The following ALMS1 variants were observed in gnomAD, a reference collection of about 807,000 sequenced individuals.
The protein encoded by ALMS1 is centrosome-associated protein ALMS1.
A neutral mutation model predicts 352.2 loss-of-function variants in ALMS1; 271 were observed. The observed-to-expected ratio is 0.77, with a 90% CI of 0.70 to 0.85. The LOEUF is 0.85. Among genes scored for constraint, ALMS1 ranks in the 40% least tolerant of loss-of-function variants. ALMS1 has a pLI of 0.00. For synonymous variants in ALMS1, 1,865 were observed against 1,761.2 expected (o/e 1.06, Z -1.48); for missense variants, 5,445 against 4,870.7 (o/e 1.12, Z -3.51).
chr2:73,471,270 G>T (rs780658246), intron 9 of ALMS1, among the ~76,000 whole-genome samples: 2 of 143,314 alleles, frequency 1.4e-5, no homozygotes, highest in South Asian at 2.2e-4. Flanking sequence ...TTTTCTTTGT[G>T]GTTACCAAAG....
intron 9 of ALMS1, among the ~76,000 whole-genome samples, chr2:73,478,266 A>G (rs1012377953): frequency 6.6e-6 from 1 of 152,164 alleles, no homozygotes; most frequent in African/African-American, 2.4e-5. Context: ...ATTACTTGGA[A>G]ATGGTTATGT....
Position 73,448,238 on chromosome 2 carries a change from C to G in ALMS1, c.1711C>G (p.Leu571Val). The G allele has an allele frequency of 1.2e-6, 2 of 1,614,052 alleles. No homozygotes were observed. The highest frequency in any genetic ancestry group is 1.7e-6 in the Non-Finnish European group (2 of 1,179,944). ...ADQKTATPTV[L>V]SSSHSHRGKP... is the part of the protein sequence containing the mutation. Reference sequence around the variant, plus strand: ...CCAGAAGACTGCAACACCAACAGTACTCTCTAGTTCCCACTCACATAGGGG... The same window carrying G: ...CCAGAAGACTGCAACACCAACAGTAGTCTCTAGTTCCCACTCACATAGGGG... The change falls in exon 8 of 23, where the codon CTC becomes GTC. Residue 571 changes from leucine (L) to valine (V), a missense_variant. Leu to Val is a conservative substitution (Grantham distance 32). Coordinates refer to ENST00000613296, the MANE Select transcript of ALMS1 (RefSeq NM_001378454.1).
chr2:73,486,514 G>T (rs1672851007), intron 9 of ALMS1, among the ~76,000 whole-genome samples: 1 of 152,198 alleles, frequency 6.6e-6, no homozygotes, highest in Non-Finnish European at 1.5e-5. Context: ...TAGCTAGTGA[G>T]AAAAGCTCTT....
At chr2:73,427,155 A>G (rs147544631) in intron 6 of ALMS1, among the ~76,000 whole-genome samples, 9 of 152,320 alleles carry the variant, frequency 5.9e-5, no homozygotes, top group African/African-American at 1.9e-4. Context: ...GGAACATCCA[A>G]AAGCTTGTAC....
intron 10 of ALMS1, among the ~76,000 whole-genome samples, chr2:73,508,046 T>C (rs772101004): frequency 3.8e-4 from 58 of 152,146 alleles, no homozygotes; most frequent in Non-Finnish European, 7.5e-4. Context: ...CCAGTAGTCA[T>C]TCAGGAGCAG....
At chr2:73,403,344 T>C (rs1378702386) in intron 1 of ALMS1, among the ~76,000 whole-genome samples, 1 of 152,218 alleles carries the variant, frequency 6.6e-6, no homozygotes, top group Non-Finnish European at 1.5e-5. Context: ...GAATCATATA[T>C]GCTTGGGTTT....
intron 11 of ALMS1, among the ~76,000 whole-genome samples, chr2:73,521,447 G>A (rs1673672741): frequency 6.6e-6 from 1 of 151,894 alleles, no homozygotes; most frequent in African/African-American, 2.4e-5. Flanking sequence ...AGAGGAAACA[G>A]CTATAAAAGC....
At chr2:73,571,586 A>G (rs781434774) in intron 15 of ALMS1, among the ~76,000 whole-genome samples, 9 of 152,140 alleles carry the variant, frequency 5.9e-5, no homozygotes, top group African/African-American at 9.7e-5. Context: ...ATACTATTAT[A>G]TTGGGGATTA....
chr2:73,452,373 T>A lies in ALMS1; in HGVS notation c.5846T>A (p.Val1949Asp). 2 of 1,614,034 alleles carry A rather than the reference T, an allele frequency of 1.2e-6. No homozygotes were observed. The highest frequency in any genetic ancestry group is 1.7e-6 in the Non-Finnish European group (2 of 1,179,970). Residue 1949 changes from valine to aspartate, a missense_variant, in exon 8 of 23, where the codon GTT becomes GAT. By Grantham distance (152) the Val-to-Asp change is radical (BLOSUM62 -3). Coordinates refer to ENST00000613296, the MANE Select transcript of ALMS1 (RefSeq NM_001378454.1). ...SYYSRREKPS[V>D]ISQQELPDSH... ...TACTCACGTAGAGAGAAGCCCAGTGTTATCTCTCAACAGGAGTTGCCAGAC... is the reference window on the plus strand; with the variant it reads ...TACTCACGTAGAGAGAAGCCCAGTGATATCTCTCAACAGGAGTTGCCAGAC...
chr2:73,495,989 T>A (rs1283775660), intron 10 of ALMS1, among the ~76,000 whole-genome samples: 2 of 152,186 alleles, frequency 1.3e-5, no homozygotes, highest in African/African-American at 2.4e-5. Flanking sequence ...TAGACAAAAA[T>A]GCTGTTTGCT....
intron 7 of ALMS1, among the ~76,000 whole-genome samples, chr2:73,439,784 C>T (rs1190305313): frequency 6.6e-6 from 1 of 151,974 alleles, no homozygotes; most frequent in Non-Finnish European, 1.5e-5. Context: ...TGTGATCCAC[C>T]CGCCTTGGCC....
rs774543639 is a variant in ALMS1, at chr2:73,453,660, T to G, written c.7133T>G (p.Leu2378Arg). ...GTCAGTATGGCATTAGAAGAAACTC[T>G]TAGGCAATATCAAGCAGCCAAATCT... ...SKVSMALEET[L>R]RQYQAAKSVM... The change falls in exon 8 of 23, where the codon CTT becomes CGT. Residue 2378 changes from leucine (L) to arginine (R), a missense_variant. Leu to Arg is a moderately radical substitution (Grantham distance 102). Transcript: ENST00000613296. 1.2e-6 allele frequency: 2 copies of G among 1,614,080 alleles called. No individual in the cohort carries two copies. Among genetic ancestry groups the G allele is most frequent in the East Asian group, 2.2e-5 (1 of 44,870 alleles).
At position 73,448,753 on chromosome 2, in the gene ALMS1, A is replaced by G. The variant is rs569911295; in HGVS notation, c.2226A>G (p.Lys742=). ...DSHQTEETLT[K]VSATPGPADQ... The stretch of plus-strand genomic sequence containing the variant: ...ATCAAACTGAAGAGACTCTTACTAA[A>G]GTTTCAGCCACTCCTGGACCAGCTG... Residue 742 remains lysine, a synonymous_variant, in exon 8 of 23, where the codon AAA becomes AAG. Coordinates refer to ENST00000613296, the MANE Select transcript of ALMS1 (RefSeq NM_001378454.1). 6.2e-7 allele frequency: 1 copy of G among 1,605,228 alleles called. No homozygotes were observed. The highest frequency in any genetic ancestry group is 1.7e-5 in the Admixed American group (1 of 59,144).
At chr2:73,488,611 G>A (rs925640660) in intron 9 of ALMS1, among the ~76,000 whole-genome samples, 1 of 152,210 alleles carries the variant, frequency 6.6e-6, no homozygotes, top group East Asian at 1.9e-4. Flanking sequence ...TCAGTACAGC[G>A]AGTAGCCCTA....
chr2:73,515,016 C>T (rs964169415), intron 10 of ALMS1, among the ~76,000 whole-genome samples: 12 of 152,148 alleles, frequency 7.9e-5, no homozygotes, highest in African/African-American at 2.7e-4. Flanking sequence ...TACCCATTAA[C>T]TCATAAATAT....
chr2:73,430,946 G>T (rs377033567), intron 6 of ALMS1, among the ~76,000 whole-genome samples: 1 of 152,022 alleles, frequency 6.6e-6, no homozygotes, highest in Admixed American at 6.6e-5. Flanking sequence ...TATATAGCCT[G>T]TACTTCAGAG....
At chr2:73,442,310 A>G (rs1207116038) in intron 7 of ALMS1, among the ~76,000 whole-genome samples, 1 of 151,988 alleles carries the variant, frequency 6.6e-6, no homozygotes, top group Admixed American at 6.6e-5. Flanking sequence ...ATTATGCCAT[A>G]TTGTTTTATA....
Position 73,453,209 on chromosome 2 carries a change from G to A in ALMS1, c.6682G>A (p.Asp2228Asn). The A allele has an allele frequency of 6.2e-7, 1 of 1,614,014 alleles. No individual in the cohort carries two copies. Among genetic ancestry groups the A allele is most frequent in the Non-Finnish European group, 8.5e-7 (1 of 1,179,976 alleles). The change falls in exon 8 of 23, where the codon GAT (aspartate) becomes AAT (asparagine). Residue 2228 changes from aspartate (D) to asparagine (N), a missense_variant. Asp to Asn is a conservative substitution (Grantham distance 23, BLOSUM62 1). Coordinates refer to ENST00000613296, the MANE Select transcript of ALMS1 (RefSeq NM_001378454.1). ...SNNVLLNSQA[D>N]DRVVINKPES... ...TAATGTGCTTTTAAATTCTCAGGCT[G>A]ATGACAGAGTTGTAATAAATAAACC... is the stretch of plus-strand genomic sequence containing the variant.
rs528241146 is a variant in ALMS1 at position 73,396,764 on chromosome 2, C to A, written c.324+10572C>A. Among the ~76,000 whole-genome samples the A allele has an allele frequency of 2.6e-3, 392 of 151,808 alleles. 3 individuals carry two copies. The highest frequency in any genetic ancestry group is 8.9e-3 in the African/African-American group (369 of 41,368). On this transcript the variant is annotated intron_variant, in intron 1 of 22. Transcript: ENST00000613296. ...GGTTCATGCCATTCTTCTGCCTCAG[C>A]CTCCCAAGTAGCTGGGACTACAGGC...
Sources: allele counts gnomAD v4.1 joint callset (sites outside exome capture counted in the v4.1 genomes callset), GRCh38; gene constraint gnomAD v4.1.1; transcripts MANE v1.5; gene names NCBI Gene and HGNC (gene_info 2026-07-23, HGNC 2026-07-21).